Variants in SAP30L observed in about 807,000 individuals in gnomAD.
SAP30L encodes the protein SAP30 like.
A neutral mutation model predicts 22.3 loss-of-function variants in SAP30L; 10 were observed. The ratio of observed to expected loss-of-function variants is 0.45; its 90% CI spans 0.28 to 0.76. The LOEUF (loss-of-function observed/expected upper bound fraction) is 0.76, where lower values mean the gene tolerates loss of function less well. Ranked by LOEUF, SAP30L falls within the 30% of genes least tolerant of loss-of-function variation. SAP30L has a pLI of 0.14. For missense variants in SAP30L, 206 were observed against 237.9 expected, an observed-to-expected ratio of 0.87 and a Z score of 0.88; for synonymous variants, 91 against 94.1, an observed-to-expected ratio of 0.97 and a Z score of 0.19.
In SAP30L at chr5:154,453,112, CT is replaced by C. The variant is rs1211425300; in HGVS notation, c.325-289del. On this transcript the variant is annotated intron_variant, in intron 2 of 3. Transcript: ENST00000297109. ...GCTCTCTGTGCTGTGATCTTTTCCC[CT>C]ATTCCCTACCGTTTCTCAGTGCTTT... The C allele has an allele frequency of 2.1e-5, 6 of 291,680 alleles. No individual in the cohort carries two copies. The East Asian group carries it at 3.9e-4, about 19-fold the overall frequency. 18.1% of individuals were successfully genotyped at this position (291,680 alleles called of 1,614,324 possible). A position where few individuals can be genotyped will look rare whatever the true frequency, so the allele number is the denominator to read the frequency against.
rs953442440 is a variant in SAP30L at position 154,453,612 on chromosome 5, C to A, written c.423+112C>A. The A allele has an allele frequency of 1.9e-5, 14 of 753,228 alleles. No individual in the cohort carries two copies. In the East Asian group the frequency reaches 3.1e-4, roughly 17 times the overall value. The allele number at this position is 753,228 out of a possible 1,614,324, so 46.7% of individuals were successfully genotyped here. A position where few individuals can be genotyped will look rare whatever the true frequency, so the allele number is the denominator to read the frequency against. ...GCTAATTGTAATTTCCTCCAGAGTT[C>A]TGGAAGCAACTCTGTATTCCTCTTT... On this transcript the variant is annotated intron_variant, in intron 3 of 3. Transcript: ENST00000297109.
At chr5:154,451,954 C>T (rs1298329093) in intron 2 of SAP30L, among the ~76,000 whole-genome samples, 2 of 152,190 alleles carry the variant, frequency 1.3e-5, no homozygotes, top group Non-Finnish European at 2.9e-5. Flanking sequence ...CTGCGCTAGA[C>T]CATGAGACCT....
chr5:154,453,190 T>C, intron 2 of SAP30L: 1 of 477,590 alleles, frequency 2.1e-6, no homozygotes, highest in Non-Finnish European at 3.7e-6. Flanking sequence ...ACCAGTTTTG[T>C]GAGATCAGCC....
At chr5:154,447,754 G>GA (rs1757051841) in intron 1 of SAP30L, among the ~76,000 whole-genome samples, 3 of 152,284 alleles carry the variant, frequency 2.0e-5, no homozygotes, top group Middle Eastern at 6.8e-3. Flanking sequence ...TTGTTAAACT[G>GA]AAAGGGAGTG....
chr5:154,454,119 AGCAAAAT>A (rs1757213549), intron 3 of SAP30L, among the ~76,000 whole-genome samples: 1 of 152,226 alleles, frequency 6.6e-6, no homozygotes, highest in Admixed American at 6.5e-5. Context: ...TGCCTGGCTT[AGCAAAAT>A]GCTTTTTAGA....
Position 154,451,001 on chromosome 5 carries a change from G to A in SAP30L, c.202-90G>A. The A allele has an allele frequency of 2.2e-6, 3 of 1,369,124 alleles. No homozygotes were observed. In the South Asian group the frequency reaches 3.5e-5, roughly 16 times the overall value. The allele number at this position is 1,369,124 out of a possible 1,614,324, so 84.8% of individuals were successfully genotyped here. On this transcript the variant is annotated intron_variant, in intron 1 of 3. Coordinates refer to ENST00000297109, the MANE Select transcript of SAP30L (RefSeq NM_024632.6). The stretch of plus-strand genomic sequence containing the variant: ...CTTCCATCTATCTCTCCAATGCCCT[G>A]CAATGGAAGGAAGCCCCGCAATTCG...
In SAP30L at chr5:154,451,127, T is replaced by G; in HGVS notation, c.238T>G (p.Phe80Val). 1 of 1,614,078 alleles carries G rather than the reference T, an allele frequency of 6.2e-7. No individual in the cohort carries two copies. The highest frequency in any genetic ancestry group is 8.5e-7 in the Non-Finnish European group (1 of 1,180,000). The change falls in exon 2 of 4, where the codon TTC (phenylalanine) becomes GTC (valine). Residue 80 changes from phenylalanine (F) to valine (V), a missense_variant. Phe to Val is a conservative substitution (Grantham distance 50, BLOSUM62 -1). Around this residue, in one of 2 missense-constraint regions of SAP30L, gnomAD observed 136 missense variants for 187.4 expected, o/e 0.73. Coordinates refer to ENST00000297109, the MANE Select transcript of SAP30L (RefSeq NM_024632.6). The part of the protein sequence containing the change: ...HLYICDFHKN[F>V]IQSVRNKRKR... ...ATATATCTGTGATTTTCACAAAAAT[T>G]TCATCCAGAGTGTCCGAAATAAAAG...
At chr5:154,453,830 C>CT (rs770435685) in intron 3 of SAP30L, among the ~76,000 whole-genome samples, 1 of 152,134 alleles carries the variant, frequency 6.6e-6, no homozygotes, top group Non-Finnish European at 1.5e-5. Flanking sequence ...GAAGATTCCT[C>CT]TTTTTGTTTT....
chr5:154,447,953 T>C (rs1757056734), intron 1 of SAP30L, among the ~76,000 whole-genome samples: 1 of 141,116 alleles, frequency 7.1e-6, no homozygotes, highest in Non-Finnish European at 1.5e-5. Context: ...TTTTCTTTTC[T>C]TTTTTTTTTC....
rs558739539 is a variant in SAP30L, at chr5:154,455,043, G to T, written c.424-857G>T. ...CAAGTGATTCTTCTCCATGTTTCCC[G>T]AGTGGCTGGGATTACAGGTGCCTGT... On this transcript the variant is annotated intron_variant, in intron 3 of 3. Coordinates refer to ENST00000297109, the MANE Select transcript of SAP30L (RefSeq NM_024632.6). Among the ~76,000 whole-genome samples, 138 of 151,718 alleles carry T rather than the reference G, an allele frequency of 9.1e-4. 1 individual carries two copies. Among genetic ancestry groups the T allele is most frequent in the Non-Finnish European group, 1.7e-3 (114 of 67,942 alleles).
At chr5:154,455,790 C>A in intron 3 of SAP30L, 110 bp from the exon 4 acceptor site, 1 of 1,351,654 alleles carries the variant, frequency 7.4e-7, no homozygotes, top group Non-Finnish European at 1.0e-6. Context: ...CAGCATTTGT[C>A]ATTCCCGCCA....
At chr5:154,451,548 T>TG (rs1277365315) in intron 2 of SAP30L, among the ~76,000 whole-genome samples, 1 of 21,166 alleles carries the variant, frequency 4.7e-5, no homozygotes, top group Non-Finnish European at 1.2e-4. Flanking sequence ...ACAGTGTCAC[T>TG]TTTTTTTAAA....
chr5:154,460,184 A>G lies in SAP30L; in HGVS notation c.*4156A>G, dbSNP rs1757345172. The G allele has an allele frequency of 6.6e-6, 1 of 152,180 alleles. No individual in the cohort carries two copies. The highest frequency in any genetic ancestry group is 6.5e-5 in the Admixed American group (1 of 15,284). The allele number at this position is 152,180 out of a possible 1,614,324, so 9.4% of individuals were successfully genotyped here. On this transcript the variant is annotated 3_prime_UTR_variant, in exon 4 of 4. Coordinates refer to ENST00000297109, the MANE Select transcript of SAP30L (RefSeq NM_024632.6). ...TCTCAGGGACCAACCTGCAGAACTC[A>G]AGATTGAGCGAAATGTTTAGGCCAG...
At chr5:154,451,579 A>G (rs549105009) in intron 2 of SAP30L, among the ~76,000 whole-genome samples, 94 of 151,906 alleles carry the variant, frequency 6.2e-4, no homozygotes, top group Non-Finnish European at 1.1e-3. Context: ...GCCTTTAGAG[A>G]GTGTATAATG....
chr5:154,454,204 T>C (rs1280693382), intron 3 of SAP30L, among the ~76,000 whole-genome samples: 1 of 152,204 alleles, frequency 6.6e-6, no homozygotes, highest in Non-Finnish European at 1.5e-5. Flanking sequence ...TATTTTTTTT[T>C]CCTTGATTTC....
Position 154,456,238 on chromosome 5 carries a change from A to C in SAP30L, c.*210A>C. ...TCTTTTACGATAACTCTGGACTAAA[A>C]AAATCAGGATCATTAAAAGAATTAA... On this transcript the variant is annotated 3_prime_UTR_variant, in exon 4 of 4. Transcript: ENST00000297109. The C allele has an allele frequency of 2.5e-6, 1 of 393,018 alleles. No homozygotes were observed. Among genetic ancestry groups the C allele is most frequent in the Admixed American group, 4.2e-5 (1 of 23,646 alleles). 24.3% of individuals were successfully genotyped at this position (393,018 alleles called of 1,614,324 possible). A position where few individuals can be genotyped will look rare whatever the true frequency, so the allele number is the denominator to read the frequency against.
chr5:154,452,483 A>G, intron 2 of SAP30L: 6 of 985,364 alleles, frequency 6.1e-6, no homozygotes, highest in Non-Finnish European at 7.2e-6. Context: ...AAGCAAGAAC[A>G]GCTCTTTTAG....
intron 1 of SAP30L, among the ~76,000 whole-genome samples, chr5:154,449,721 C>T (rs1271170090): frequency 6.6e-6 from 1 of 152,202 alleles, no homozygotes; most frequent in African/African-American, 2.4e-5. Flanking sequence ...GTGGCATGTG[C>T]TGTGTTTGAA....
chr5:154,459,925 A>G lies in SAP30L; in HGVS notation c.*3897A>G, dbSNP rs959901948. On this transcript the variant is annotated 3_prime_UTR_variant, in exon 4 of 4. Coordinates refer to ENST00000297109, the MANE Select transcript of SAP30L (RefSeq NM_024632.6). ...AGAAGTGCCGTATTTTCAAGGTGGA[A>G]AGTCTGTTAAGCTTGCTGTTGTCCA... The G allele has an allele frequency of 1.3e-5, 2 of 152,172 alleles. No individual in the cohort carries two copies. Among genetic ancestry groups the G allele is most frequent in the African/African-American group, 4.8e-5 (2 of 41,438 alleles). The allele number at this position is 152,172 out of a possible 1,614,324, so 9.4% of individuals were successfully genotyped here.
Sources: gnomAD v4.1 joint callset for allele counts (sites outside exome capture counted in the v4.1 genomes callset) on GRCh38, gnomAD v4.1.1 for gene constraint, gnomAD v4.1.1 regional missense constraint, MANE v1.5 for transcripts, NCBI Gene and HGNC (gene_info 2026-07-23, HGNC 2026-07-21) for gene names.